PTPRD: variants seen among roughly 807,000 people sequenced by gnomAD.
PTPRD encodes the protein protein tyrosine phosphatase receptor type D, also known as receptor-type tyrosine-protein phosphatase delta.
In PTPRD, 34 loss-of-function variants were observed where a neutral mutation model predicts 214.5. The observed-to-expected ratio is 0.16, with a 90% CI of 0.12 to 0.21. The LOEUF is 0.21. PTPRD is among the 10% of genes least tolerant of loss of function. The pLI is 1.00. For synonymous variants in PTPRD, 1,128 were observed against 845.7 expected, an observed-to-expected ratio of 1.33 and a Z score of -5.79; for missense variants, 2,545 against 2,398.7, an observed-to-expected ratio of 1.06 and a Z score of -1.27.
chr9:9,734,071 C>G (rs1477601477), intron 7 of PTPRD, among the ~76,000 whole-genome samples: 1 of 152,158 alleles, frequency 6.6e-6, no homozygotes, highest in East Asian at 1.9e-4. Context: ...CAGTGTGTTT[C>G]TAGCTTTACA....
At chr9:10,450,954 A>C (rs776104523) in intron 2 of PTPRD, among the ~76,000 whole-genome samples, 2 of 151,994 alleles carry the variant, frequency 1.3e-5, no homozygotes, top group African/African-American at 2.4e-5. Context: ...GTACTCTGAG[A>C]AGTCAAAACC....
chr9:10,369,807 AT>A (rs1452607324), intron 2 of PTPRD, among the ~76,000 whole-genome samples: 2 of 152,066 alleles, frequency 1.3e-5, no homozygotes, highest in African/African-American at 4.8e-5. Flanking sequence ...GCACATTAGA[AT>A]TTTTTAATGA....
At chr9:9,652,070 T>C (rs2096374363) in intron 7 of PTPRD, among the ~76,000 whole-genome samples, 1 of 152,012 alleles carries the variant, frequency 6.6e-6, no homozygotes, top group Non-Finnish European at 1.5e-5. Flanking sequence ...CTCAATCTAC[T>C]GACCTCGTGA....
chr9:8,611,408 TA>T (rs1451733028), intron 14 of PTPRD, among the ~76,000 whole-genome samples: 1 of 151,806 alleles, frequency 6.6e-6, no homozygotes, highest in African/African-American at 2.4e-5. Flanking sequence ...GAAAGGGGAA[TA>T]AAAACCAGAG....
intron 10 of PTPRD, among the ~76,000 whole-genome samples, chr9:9,109,579 T>C (rs1299725088): frequency 1.3e-5 from 2 of 152,020 alleles, no homozygotes; most frequent in South Asian, 4.2e-4. Context: ...CTAATAATCA[T>C]AACAGTTATA....
intron 11 of PTPRD, among the ~76,000 whole-genome samples, chr9:8,767,810 T>A (rs1025207187): frequency 4.6e-5 from 7 of 152,150 alleles, no homozygotes; most frequent in African/African-American, 1.7e-4. Flanking sequence ...GTGATTCCAA[T>A]GTATAACTTA....
chr9:10,189,552 T>C (rs1019570387), intron 3 of PTPRD, among the ~76,000 whole-genome samples: 2 of 152,164 alleles, frequency 1.3e-5, no homozygotes, highest in African/African-American at 2.4e-5. Flanking sequence ...GCTATTATAA[T>C]ATCACTTTTA....
intron 14 of PTPRD, among the ~76,000 whole-genome samples, chr9:8,560,690 C>G (rs746196455): frequency 6.6e-6 from 1 of 151,966 alleles, no homozygotes; most frequent in Non-Finnish European, 1.5e-5. Context: ...CAAACAGGAC[C>G]CTTTAAAGAC....
intron 3 of PTPRD, among the ~76,000 whole-genome samples, chr9:10,051,607 C>G (rs555885328): frequency 2.0e-5 from 3 of 151,816 alleles, no homozygotes; most frequent in South Asian, 2.1e-4. Context: ...CCACTCCCCC[C>G]ACCCCACAAC....
At chr9:9,836,224 G>C (rs2056713755) in intron 5 of PTPRD, among the ~76,000 whole-genome samples, 1 of 152,166 alleles carries the variant, frequency 6.6e-6, no homozygotes, top group African/African-American at 2.4e-5. Context: ...AGTAGCCCCA[G>C]AATGTGAGCA....
At chr9:8,932,531 T>C (rs2098960212) in intron 11 of PTPRD, among the ~76,000 whole-genome samples, 1 of 152,200 alleles carries the variant, frequency 6.6e-6, no homozygotes, top group Non-Finnish European at 1.5e-5. Flanking sequence ...CATAAGTCCC[T>C]GACTGTGGCT....
chr9:9,695,879 T>C (rs2097364373), intron 7 of PTPRD, among the ~76,000 whole-genome samples: 1 of 152,184 alleles, frequency 6.6e-6, no homozygotes, highest in Non-Finnish European at 1.5e-5. Flanking sequence ...AGCATCCTTG[T>C]CTGGGTTTGG....
intron 12 of PTPRD, among the ~76,000 whole-genome samples, chr9:8,664,470 C>T (rs1441552973): frequency 2.0e-5 from 3 of 152,158 alleles, no homozygotes. Flanking sequence ...AAGCACCCAT[C>T]CCTGATATCA....
At chr9:8,575,274 T>C (rs1402473933) in intron 14 of PTPRD, among the ~76,000 whole-genome samples, 1 of 152,168 alleles carries the variant, frequency 6.6e-6, no homozygotes, top group Non-Finnish European at 1.5e-5. Flanking sequence ...ATTTATATAT[T>C]TCAAGCAGGG....
intron 2 of PTPRD, among the ~76,000 whole-genome samples, chr9:10,364,825 A>C (rs1598192352): frequency 6.6e-6 from 1 of 152,182 alleles, no homozygotes; most frequent in South Asian, 2.1e-4. Flanking sequence ...TACGATATCT[A>C]TATTTTCGTA....
intron 2 of PTPRD, among the ~76,000 whole-genome samples, chr9:10,401,401 C>A (rs1485601909): frequency 6.6e-6 from 1 of 151,070 alleles, no homozygotes; most frequent in Non-Finnish European, 1.5e-5. Flanking sequence ...GGAGATAGTC[C>A]AGAACATGTC....
At chr9:8,744,656 G>C (rs1290208441) in intron 11 of PTPRD, among the ~76,000 whole-genome samples, 1 of 152,240 alleles carries the variant, frequency 6.6e-6, no homozygotes, top group Non-Finnish European at 1.5e-5. Context: ...GGAAAGGCTG[G>C]CAGCAGGGTG....
chr9:10,284,340 T>A (rs1406121147), intron 3 of PTPRD, among the ~76,000 whole-genome samples: 3 of 152,186 alleles, frequency 2.0e-5, no homozygotes, highest in Non-Finnish European at 1.5e-5. Context: ...AGTATTCATA[T>A]ACTCAAACTA....
chr9:10,274,805 A>T (rs2094589314), intron 3 of PTPRD, among the ~76,000 whole-genome samples: 1 of 152,056 alleles, frequency 6.6e-6, no homozygotes, highest in Non-Finnish European at 1.5e-5. Context: ...ATTTTCTGAC[A>T]CCTCTCCTTC....
Sources: allele counts gnomAD v4.1 joint callset (sites outside exome capture counted in the v4.1 genomes callset), GRCh38; gene constraint gnomAD v4.1.1; transcripts MANE v1.5; gene names NCBI Gene and HGNC (gene_info 2026-07-23, HGNC 2026-07-21).